The following BRINP3 variants were observed in gnomAD, a reference collection of about 807,000 sequenced individuals.
The protein encoded by BRINP3 is BMP/retinoic acid inducible neural specific 3, also known as BMP/retinoic acid-inducible neural-specific protein 3.
BRINP3 carries 19 observed loss-of-function variants against 71.0 expected under a neutral mutation model. The observed-to-expected ratio is 0.27, with a 90% CI of 0.19 to 0.39. BRINP3 has a LOEUF of 0.39. Ranked by LOEUF, BRINP3 falls within the 10% of genes least tolerant of loss-of-function variation. BRINP3 has a pLI of 1.00. For synonymous variants in BRINP3, 380 were observed against 337.7 expected, an observed-to-expected ratio of 1.13 and a Z score of -1.37; for missense variants, 959 against 940.8, an observed-to-expected ratio of 1.02 and a Z score of -0.25.
rs111761017 is a variant in BRINP3 at position 190,221,173 on chromosome 1, G to A, written c.961+4909C>T. Among the ~76,000 whole-genome samples, 483 of 152,104 alleles carry A rather than the reference G, an allele frequency of 3.2e-3. 4 individuals are homozygous for A. Among genetic ancestry groups the A allele is most frequent in the African/African-American group, 0.011 (456 of 41,522 alleles). ...GCAGAGGTTGCAGTGAGCTGAGATC[G>A]CACCACTACACTCCAGCCTAGGCGA... On this transcript the variant is annotated intron_variant, in intron 6 of 7. Coordinates refer to ENST00000367462, the MANE Select transcript of BRINP3 (RefSeq NM_199051.3).
In BRINP3 at chr1:190,098,051, T is replaced by C. The variant is rs755187296; in HGVS notation, c.2268A>G (p.Thr756=). 1.2e-6 allele frequency: 2 copies of C among 1,613,162 alleles called. No individual in the cohort carries two copies. Among genetic ancestry groups the C allele is most frequent in the Non-Finnish European group, 1.7e-6 (2 of 1,179,606 alleles). The change falls in exon 8 of 8, where the codon ACA becomes ACG. Residue 756 remains threonine, a synonymous_variant. Coordinates refer to ENST00000367462, the MANE Select transcript of BRINP3 (RefSeq NM_199051.3). ...LQAFNAKLPN[T]MDYDTTKLCS is the part of the protein sequence containing the mutation. ...ATAATTTGGTCGTGTCATAATCCAT[T>C]GTGTTTGGCAATTTGGCATTAAACG...
chr1:190,360,143 C>A (rs572865960), intron 2 of BRINP3, among the ~76,000 whole-genome samples: 1 of 152,118 alleles, frequency 6.6e-6, no homozygotes, highest in Non-Finnish European at 1.5e-5. Context: ...CTTTTCAAAG[C>A]CAGTAAACAT....
At chr1:190,347,892 C>T (rs1240767392) in intron 2 of BRINP3, among the ~76,000 whole-genome samples, 2 of 151,920 alleles carry the variant, frequency 1.3e-5, no homozygotes, top group Non-Finnish European at 2.9e-5. Flanking sequence ...CAGTAGGTGG[C>T]CAAGGAGCTA....
At position 190,133,234 on chromosome 1, in the gene BRINP3, G is replaced by GT. The variant is rs1654688677; in HGVS notation, c.1184+27433dup. 3.9e-5 allele frequency among the ~76,000 whole-genome samples: 6 copies of GT among 152,076 alleles called. No individual in the cohort carries two copies. In the South Asian group the frequency reaches 1.2e-3, roughly 31 times the overall value. The stretch of plus-strand genomic sequence containing the variant: ...CTATACTTGTATTCTCTAAGAACTT[G>GT]TAACACTGCATCTATGGGAAATTCA... On this transcript the variant is annotated intron_variant, in intron 7 of 7. Coordinates refer to ENST00000367462, the MANE Select transcript of BRINP3 (RefSeq NM_199051.3).
chr1:190,281,865 G>C, intron 2 of BRINP3, 115 bp from the exon 3 acceptor site: 2 of 894,652 alleles, frequency 2.2e-6, no homozygotes, highest in Non-Finnish European at 3.3e-6. Flanking sequence ...TGTAATACTA[G>C]GTTGTGTGCT....
intron 4 of BRINP3, among the ~76,000 whole-genome samples, chr1:190,247,514 T>C (rs12136416): frequency 0.38 from 58,252 of 151,666 alleles, 12,559 homozygotes; most frequent in Non-Finnish European, 0.49. Context: ...TTTGAAAATA[T>C]ACAATAAATT....
chr1:190,389,377 TGAA>T (rs1671107337), intron 2 of BRINP3, among the ~76,000 whole-genome samples: 1 of 151,586 alleles, frequency 6.6e-6, no homozygotes, highest in African/African-American at 2.4e-5. Flanking sequence ...CAAGAAAAAA[TGAA>T]GAAAAATGTA....
intron 2 of BRINP3, among the ~76,000 whole-genome samples, chr1:190,315,614 T>C (rs1039840115): frequency 6.6e-6 from 1 of 152,104 alleles, no homozygotes; most frequent in Non-Finnish European, 1.5e-5. Context: ...GTGGCTATCA[T>C]CTGTCTGGGC....
At chr1:190,404,153 A>AT (rs1343091807) in intron 2 of BRINP3, among the ~76,000 whole-genome samples, 1 of 152,150 alleles carries the variant, frequency 6.6e-6, no homozygotes, top group African/African-American at 2.4e-5. Context: ...ATCACTGGTT[A>AT]TTTTGCATCC....
At chr1:190,421,946 T>C (rs946188479) in intron 2 of BRINP3, among the ~76,000 whole-genome samples, 2 of 151,846 alleles carry the variant, frequency 1.3e-5, no homozygotes, top group Admixed American at 6.6e-5. Flanking sequence ...CTTTACTCCT[T>C]ATCTTTTTGC....
intron 2 of BRINP3, among the ~76,000 whole-genome samples, chr1:190,437,166 ATGAAATAT>A (rs1674521634): frequency 6.6e-6 from 1 of 151,754 alleles, no homozygotes; most frequent in South Asian, 2.1e-4. Flanking sequence ...AAATCAAAAT[ATGAAATAT>A]TTTGAAATTT....
intron 2 of BRINP3, among the ~76,000 whole-genome samples, chr1:190,411,046 AC>A (rs1267811079): frequency 1.3e-5 from 2 of 152,160 alleles, no homozygotes; most frequent in Non-Finnish European, 2.9e-5. Context: ...GATATTCCTT[AC>A]CACATACCCA....
intron 3 of BRINP3, among the ~76,000 whole-genome samples, chr1:190,269,842 T>C (rs1461383600): frequency 2.0e-5 from 3 of 152,006 alleles, no homozygotes; most frequent in African/African-American, 2.4e-5. Flanking sequence ...ACAGGGAACA[T>C]TGGCAATATA....
At chr1:190,257,420 G>A (rs560029519) in intron 4 of BRINP3, among the ~76,000 whole-genome samples, 24 of 152,128 alleles carry the variant, frequency 1.6e-4, no homozygotes, top group African/African-American at 4.6e-4. Flanking sequence ...GCTTCCTTGC[G>A]ATGGGTTCGA....
chr1:190,379,979 C>T (rs1340003713), intron 2 of BRINP3, among the ~76,000 whole-genome samples: 3 of 111,308 alleles, frequency 2.7e-5, no homozygotes, highest in Non-Finnish European at 5.0e-5. Context: ...GCCTGGGCAA[C>T]AGGGAGAGAC....
intron 7 of BRINP3, among the ~76,000 whole-genome samples, chr1:190,147,858 G>A (rs1656026045): frequency 6.6e-6 from 1 of 152,158 alleles, no homozygotes; most frequent in South Asian, 2.1e-4. Context: ...AGAAAGAGCC[G>A]GTGGCCATGT....
chr1:190,187,855 C>T (rs541062387), intron 6 of BRINP3, among the ~76,000 whole-genome samples: 10 of 151,246 alleles, frequency 6.6e-5, no homozygotes, highest in Middle Eastern at 3.5e-3. Flanking sequence ...ATTGCTTTGG[C>T]TATTCAGAGG....
intron 7 of BRINP3, among the ~76,000 whole-genome samples, chr1:190,110,999 C>T (rs566829105): frequency 6.6e-6 from 1 of 151,694 alleles, no homozygotes; most frequent in East Asian, 1.9e-4. Context: ...CACGGTGAAA[C>T]CCCGTCTCTA....
chr1:190,379,080 A>G (rs149065413), intron 2 of BRINP3, among the ~76,000 whole-genome samples: 1 of 152,358 alleles, frequency 6.6e-6, no homozygotes, highest in Non-Finnish European at 1.5e-5. Flanking sequence ...ACAGTTCTCG[A>G]TAAAAATAAC....
Sources: gnomAD v4.1 joint callset for allele counts (sites outside exome capture counted in the v4.1 genomes callset) on GRCh38, gnomAD v4.1.1 for gene constraint, MANE v1.5 for transcripts, NCBI Gene and HGNC (gene_info 2026-07-23, HGNC 2026-07-21) for gene names.